DCAF6: variants seen among roughly 807,000 people sequenced by gnomAD.
DCAF6 encodes DDB1- and CUL4-associated factor 6.
In DCAF6, 54 loss-of-function variants were observed where a neutral mutation model predicts 125.1. The observed-to-expected ratio is 0.43, with a 90% confidence interval of 0.35 to 0.54. The LOEUF (loss-of-function observed/expected upper bound fraction) is 0.54, where lower values mean the gene tolerates loss of function less well. Ranked by LOEUF, DCAF6 falls within the 20% of genes least tolerant of loss-of-function variation. The pLI is 0.01. For missense variants in DCAF6, 934 were observed against 1,161.7 expected (o/e 0.80, Z 2.85); for synonymous variants, 371 against 390.4 (o/e 0.95, Z 0.58).
intron 18 of DCAF6, 173 bp downstream of exon 18, chr1:168,063,932 G>A: frequency 1.9e-6 from 1 of 522,436 alleles, no homozygotes; most frequent in Non-Finnish European, 3.0e-6. Context: ...TATTGTGAAA[G>A]ATCATTATTT....
At chr1:168,051,134 A>T (rs1572102071) in intron 17 of DCAF6, among the ~76,000 whole-genome samples, 2 of 152,236 alleles carry the variant, frequency 1.3e-5, no homozygotes, top group African/African-American at 4.8e-5. Flanking sequence ...GAATGAAAAG[A>T]AATTTCCTGT....
At chr1:167,970,747 TTTGA>T (rs1175646981) in intron 3 of DCAF6, among the ~76,000 whole-genome samples, 1 of 152,196 alleles carries the variant, frequency 6.6e-6, no homozygotes, top group Non-Finnish European at 1.5e-5. Flanking sequence ...GTTTTTATAG[TTTGA>T]TTATTTTTAG....
At chr1:168,049,431 G>GTT (rs11369573) in intron 16 of DCAF6, among the ~76,000 whole-genome samples, 4,812 of 101,134 alleles carry the variant, frequency 0.048, 212 homozygotes, top group East Asian at 0.065. Context: ...TGTTGTTGTT[G>GTT]TTTTTTTTTT....
chr1:167,960,657 T>C (rs1486774159), intron 2 of DCAF6, among the ~76,000 whole-genome samples: 1 of 152,192 alleles, frequency 6.6e-6, no homozygotes, highest in East Asian at 1.9e-4. Flanking sequence ...TTACTGATTT[T>C]AGTTTAATTC....
chr1:167,969,459 G>A (rs73026130), intron 3 of DCAF6, among the ~76,000 whole-genome samples: 16,559 of 152,166 alleles, frequency 0.11, 1,020 homozygotes, highest in African/African-American at 0.16. Flanking sequence ...TAGCTTCTGA[G>A]TTCATATATA....
chr1:168,010,753 A>G (rs1324836642), intron 10 of DCAF6, among the ~76,000 whole-genome samples: 1 of 152,130 alleles, frequency 6.6e-6, no homozygotes, highest in Non-Finnish European at 1.5e-5. Context: ...ATTTCAAAAT[A>G]ACTATGAATA....
Position 167,985,788 on chromosome 1 carries a change from G to A in DCAF6, c.439-1707G>A, listed in dbSNP as rs149797355. On this transcript the variant is annotated intron_variant, in intron 4 of 21. Transcript: ENST00000367840. The stretch of plus-strand genomic sequence containing the variant: ...ACACCTACTGAAAAGTGCTGGCATC[G>A]TGTATTTGTGCAACTTGATTAATTT... Among the ~76,000 whole-genome samples the A allele has an allele frequency of 5.7e-3, 863 of 152,250 alleles. 7 individuals are homozygous for A. The highest frequency in any genetic ancestry group is 0.018 in the African/African-American group (762 of 41,542).
At chr1:167,882,534 G>C in the DCAF6 span, among the ~76,000 whole-genome samples, 2 of 151,198 alleles carry the variant, frequency 1.3e-5, no homozygotes, top group Non-Finnish European at 2.9e-5. Flanking sequence ...GGGAGCCAGA[G>C]GCAGTCCCCT....
chr1:167,987,424 G>A, intron 4 of DCAF6, 71 bp from the exon 5 acceptor site: 3 of 767,826 alleles, frequency 3.9e-6, no homozygotes, highest in South Asian at 1.7e-5. Context: ...TTATGAAATA[G>A]TAGGAATGTT....
the DCAF6 span, among the ~76,000 whole-genome samples, chr1:167,900,041 A>T: frequency 6.6e-6 from 1 of 152,216 alleles, no homozygotes; most frequent in Non-Finnish European, 1.5e-5. Context: ...TAGACAACAA[A>T]GGGTGGGGGA....
chr1:167,880,033 T>G, the DCAF6 span: 1 of 1,218,070 alleles, frequency 8.2e-7, no homozygotes, highest in African/African-American at 1.5e-5. Context: ...TCTCACTCAT[T>G]TTTGTGCTTC....
chr1:167,864,595 G>A, the DCAF6 span, among the ~76,000 whole-genome samples: 1 of 152,124 alleles, frequency 6.6e-6, no homozygotes, highest in Non-Finnish European at 1.5e-5. Flanking sequence ...AAGAGAGAGA[G>A]AGGGAGAGAG....
the DCAF6 span, chr1:167,901,786 C>G: frequency 6.2e-7 from 1 of 1,614,212 alleles, no homozygotes; most frequent in East Asian, 2.2e-5. Context: ...CCACCCTCCA[C>G]AGGGCTAGCA....
At position 168,058,162 on chromosome 1, in the gene DCAF6, C is replaced by A. The variant is rs370707163; in HGVS notation, c.2301-5459C>A. Reference sequence around the variant, plus strand: ...ATGTTACATGTAGCTCTTGCCCAATCATTTTTACTGCTATCTAATAATCCA... The same window carrying A: ...ATGTTACATGTAGCTCTTGCCCAATAATTTTTACTGCTATCTAATAATCCA... On this transcript the variant is annotated intron_variant, in intron 17 of 21. Transcript: ENST00000367840. Among the ~76,000 whole-genome samples, 86 of 152,276 alleles carry A rather than the reference C, an allele frequency of 5.6e-4. 1 individual carries two copies. Among genetic ancestry groups the A allele is most frequent in the African/African-American group, 2.0e-3 (83 of 41,570 alleles).
intron 3 of DCAF6, among the ~76,000 whole-genome samples, chr1:167,967,641 A>AT (rs1676617998): frequency 6.8e-6 from 1 of 147,196 alleles, no homozygotes. Flanking sequence ...GAATAGGAAT[A>AT]TGTATATTTC....
chr1:167,899,737 C>G, the DCAF6 span: 1 of 993,948 alleles, frequency 1.0e-6, no homozygotes, highest in Non-Finnish European at 1.5e-6. Flanking sequence ...TATCTCAGAG[C>G]AAAATCTCAC....
intron 2 of DCAF6, among the ~76,000 whole-genome samples, chr1:167,955,883 C>T (rs1192811698): frequency 6.6e-6 from 1 of 152,060 alleles, no homozygotes; most frequent in African/African-American, 2.4e-5. Context: ...ACCTCAGCCT[C>T]CTGAGTTAGC....
the DCAF6 span, among the ~76,000 whole-genome samples, chr1:167,915,617 A>AT: frequency 2.0e-5 from 3 of 152,018 alleles, no homozygotes; most frequent in African/African-American, 7.2e-5. Context: ...TACCCAGCTA[A>AT]TTTTTTTGTA....
the DCAF6 span, chr1:167,880,726 A>G: frequency 2.6e-6 from 2 of 761,854 alleles, no homozygotes; most frequent in South Asian, 1.4e-5. Flanking sequence ...AGATTTTATC[A>G]TGATTTCTCT....
Sources: gnomAD v4.1 joint callset for allele counts (sites outside exome capture counted in the v4.1 genomes callset) on GRCh38, gnomAD v4.1.1 for gene constraint, MANE v1.5 for transcripts, NCBI Gene and HGNC (gene_info 2026-07-23, HGNC 2026-07-21) for gene names.